ST6GALNAC3: variants seen among roughly 807,000 people sequenced by gnomAD.
ST6GALNAC3 encodes ST6 N-acetylgalactosaminide alpha-2,6-sialyltransferase 3, also known as alpha-N-acetylgalactosaminide alpha-2,6-sialyltransferase 3.
In ST6GALNAC3, 25 loss-of-function variants were observed where a neutral mutation model predicts 32.7. The ratio of observed to expected loss-of-function variants is 0.76; its 90% confidence interval spans 0.56 to 1.07. The LOEUF is 1.07. Among genes scored for constraint, ST6GALNAC3 ranks in the 50% least tolerant of loss-of-function variants. The pLI, the probability that ST6GALNAC3 is intolerant of heterozygous loss-of-function variation, is 0.00. For missense variants in ST6GALNAC3, 355 were observed against 382.4 expected (o/e 0.93, Z 0.60); for synonymous variants, 129 against 133.1 (o/e 0.97, Z 0.21).
intron 3 of ST6GALNAC3, among the ~76,000 whole-genome samples, chr1:76,467,951 G>C (rs1481507092): frequency 6.6e-6 from 1 of 151,946 alleles, no homozygotes; most frequent in Non-Finnish European, 1.5e-5. Context: ...ACGCCAGTGA[G>C]GAGCTTGCAT....
chr1:76,384,011 A>G (rs1458496928), intron 2 of ST6GALNAC3, among the ~76,000 whole-genome samples: 1 of 152,294 alleles, frequency 6.6e-6, no homozygotes, highest in African/African-American at 2.4e-5. Context: ...CAAATGAAAT[A>G]GAGAACAACT....
intron 1 of ST6GALNAC3, among the ~76,000 whole-genome samples, chr1:76,148,444 A>G (rs1180629895): frequency 6.6e-6 from 1 of 152,130 alleles, no homozygotes; most frequent in East Asian, 1.9e-4. Context: ...CCTCTTGGGC[A>G]AATAGGTTGC....
At chr1:76,439,940 C>T (rs1483355028) in intron 3 of ST6GALNAC3, among the ~76,000 whole-genome samples, 1 of 152,090 alleles carries the variant, frequency 6.6e-6, no homozygotes, top group East Asian at 1.9e-4. Context: ...AATACTACCT[C>T]ATAGGATTGT....
chr1:76,611,154 C>T (rs1201776669), intron 3 of ST6GALNAC3, among the ~76,000 whole-genome samples: 1 of 151,928 alleles, frequency 6.6e-6, no homozygotes, highest in Admixed American at 6.5e-5. Context: ...TGTTTCTGAG[C>T]ATGGGAACTT....
rs1289486230 is a variant in ST6GALNAC3, at chr1:76,503,090, CTA to C, written c.623+90676_623+90677del. 2.6e-5 allele frequency among the ~76,000 whole-genome samples: 4 copies of C among 152,050 alleles called. No individual in the cohort carries two copies. The East Asian group carries it at 7.7e-4, about 29-fold the overall frequency. On this transcript the variant is annotated intron_variant, in intron 3 of 4. Coordinates refer to ENST00000328299, the MANE Select transcript of ST6GALNAC3 (RefSeq NM_152996.4). The stretch of plus-strand genomic sequence containing the variant: ...ACTTACAAGTTGGGTGCTTTAAGCT[CTA>C]TACACCAAAATCAATGAAGCCATGA...
At chr1:76,421,103 G>C (rs998832332) in intron 3 of ST6GALNAC3, among the ~76,000 whole-genome samples, 1 of 152,040 alleles carries the variant, frequency 6.6e-6, no homozygotes, top group Non-Finnish European at 1.5e-5. Flanking sequence ...AAATGGACGA[G>C]TAAAAGAAGA....
At chr1:76,599,717 C>CTT (rs1180456019) in intron 3 of ST6GALNAC3, among the ~76,000 whole-genome samples, 1,612 of 142,090 alleles carry the variant, frequency 0.011, 16 homozygotes, top group East Asian at 0.039. Flanking sequence ...ACTACCGTAT[C>CTT]GTGTGTGTGT....
At chr1:76,272,592 G>A (rs1023016655) in intron 1 of ST6GALNAC3, among the ~76,000 whole-genome samples, 2 of 152,130 alleles carry the variant, frequency 1.3e-5, no homozygotes, top group African/African-American at 4.8e-5. Context: ...CCTTGGTGCT[G>A]CTCTGAGTGG....
At chr1:76,435,148 A>T (rs950726241) in intron 3 of ST6GALNAC3, among the ~76,000 whole-genome samples, 1 of 152,096 alleles carries the variant, frequency 6.6e-6, no homozygotes, top group Non-Finnish European at 1.5e-5. Context: ...GTTACTCAAC[A>T]TCTGAGTTTC....
intron 1 of ST6GALNAC3, among the ~76,000 whole-genome samples, chr1:76,253,354 A>T (rs1657728285): frequency 6.6e-6 from 1 of 152,140 alleles, no homozygotes; most frequent in Non-Finnish European, 1.5e-5. Flanking sequence ...AGTCCTGGGC[A>T]AATACACTAT....
chr1:76,435,859 A>C (rs139562319), intron 3 of ST6GALNAC3, among the ~76,000 whole-genome samples: 4 of 114,984 alleles, frequency 3.5e-5, no homozygotes, highest in Admixed American at 1.7e-4. Flanking sequence ...TTCTTTTTTT[A>C]TTTTTTTTTT....
chr1:76,412,378 A>C lies in ST6GALNAC3; in HGVS notation c.584A>C (p.Tyr195Ser). 1 of 1,610,234 alleles carries C rather than the reference A, an allele frequency of 6.2e-7. No individual in the cohort carries two copies. Among genetic ancestry groups the C allele is most frequent in the South Asian group, 1.1e-5 (1 of 90,852 alleles). ...GTGACCACAGAGAAGCGCATGAGTTACTGTGATGGAGTTTTTAAGAAGGAA... is the reference window on the plus strand; with the variant it reads ...GTGACCACAGAGAAGCGCATGAGTTCCTGTGATGGAGTTTTTAAGAAGGAA... ...IYVTTEKRMS[Y>S]CDGVFKKETG... Residue 195 changes from tyrosine (Y) to serine (S), a missense_variant, in exon 3 of 5, where the codon TAC (tyrosine) becomes TCC (serine). Physicochemically the swap from Tyr to Ser is moderately radical, Grantham distance 144. Coordinates refer to ENST00000328299, the MANE Select transcript of ST6GALNAC3 (RefSeq NM_152996.4).
chr1:76,528,379 A>T (rs966201394), intron 3 of ST6GALNAC3, among the ~76,000 whole-genome samples: 1 of 152,030 alleles, frequency 6.6e-6, no homozygotes, highest in Non-Finnish European at 1.5e-5. Flanking sequence ...TCACTGCATC[A>T]GTTTGAACCC....
intron 3 of ST6GALNAC3, among the ~76,000 whole-genome samples, chr1:76,473,289 G>A (rs1230348746): frequency 2.0e-5 from 3 of 152,120 alleles, no homozygotes; most frequent in Non-Finnish European, 4.4e-5. Flanking sequence ...AGAATGTATA[G>A]TCTAACCAAA....
intron 1 of ST6GALNAC3, among the ~76,000 whole-genome samples, chr1:76,150,356 G>A (rs1302416861): frequency 6.6e-6 from 1 of 152,162 alleles, no homozygotes; most frequent in South Asian, 2.1e-4. Flanking sequence ...CCTTCATGGT[G>A]TCAAGTAAAG....
intron 1 of ST6GALNAC3, among the ~76,000 whole-genome samples, chr1:76,237,041 G>C (rs558176934): frequency 1.1e-4 from 17 of 152,300 alleles, no homozygotes; most frequent in Admixed American, 7.8e-4. Context: ...AGTGTGCTAA[G>C]GGGATAGGCC....
At chr1:76,612,290 G>A (rs1256865362) in intron 3 of ST6GALNAC3, among the ~76,000 whole-genome samples, 1 of 152,148 alleles carries the variant, frequency 6.6e-6, no homozygotes, top group Non-Finnish European at 1.5e-5. Flanking sequence ...GTTCCACAGT[G>A]GGTGGAGGTA....
intron 1 of ST6GALNAC3, among the ~76,000 whole-genome samples, chr1:76,104,808 C>T (rs944370135): frequency 6.6e-6 from 1 of 152,114 alleles, no homozygotes; most frequent in Non-Finnish European, 1.5e-5. Context: ...GCCTTACAAT[C>T]GTGGTGGAAG....
intron 3 of ST6GALNAC3, among the ~76,000 whole-genome samples, chr1:76,621,252 T>G (rs1276661030): frequency 6.6e-6 from 1 of 152,088 alleles, no homozygotes; most frequent in Non-Finnish European, 1.5e-5. Context: ...ATTAGCTGAT[T>G]GGGATAGAAG....
Sources: allele counts gnomAD v4.1 joint callset (sites outside exome capture counted in the v4.1 genomes callset), GRCh38; gene constraint gnomAD v4.1.1; transcripts MANE v1.5; gene names NCBI Gene and HGNC (gene_info 2026-07-23, HGNC 2026-07-21).